The following ARK2C variants were observed in gnomAD, a reference collection of about 807,000 sequenced individuals.
ARK2C encodes arkadia (RNF111) C-terminal like ring finger ubiquitin ligase 2C, also known as E3 ubiquitin-protein ligase ARK2C.
chr18:46,414,212 C>T, the ARK2C span, among the ~76,000 whole-genome samples: 5 of 152,334 alleles, frequency 3.3e-5, no homozygotes, highest in East Asian at 1.9e-4. Context: ...CTGATTAAGA[C>T]GGGACCTGAA....
At chr18:46,405,686 T>G in the ARK2C span, among the ~76,000 whole-genome samples, 162 of 152,146 alleles carry the variant, frequency 1.1e-3, no homozygotes, top group African/African-American at 3.8e-3. Flanking sequence ...GCCCGGTAAA[T>G]GGACTTGATT....
At chr18:46,368,379 A>G in the ARK2C span, among the ~76,000 whole-genome samples, 7 of 152,076 alleles carry the variant, frequency 4.6e-5, no homozygotes, top group Non-Finnish European at 8.8e-5. Flanking sequence ...TCATCACCCT[A>G]AACCCCCAGA....
chr18:46,395,166 T>C, the ARK2C span, among the ~76,000 whole-genome samples: 4 of 152,240 alleles, frequency 2.6e-5, no homozygotes, highest in African/African-American at 9.6e-5. Context: ...GTTGAACCAG[T>C]TATTTCCAGT....
chr18:46,399,346 G>C, the ARK2C span, among the ~76,000 whole-genome samples: 1 of 152,204 alleles, frequency 6.6e-6, no homozygotes, highest in African/African-American at 2.4e-5. Flanking sequence ...ATCAAAGGAT[G>C]CTGGGGTGCT....
the ARK2C span, among the ~76,000 whole-genome samples, chr18:46,398,451 C>T: frequency 6.6e-6 from 1 of 151,994 alleles, no homozygotes; most frequent in South Asian, 2.1e-4. Context: ...TAGCCCCTTA[C>T]CCCCAAGGTG....
chr18:46,364,502 C>T, the ARK2C span, among the ~76,000 whole-genome samples: 5 of 152,100 alleles, frequency 3.3e-5, no homozygotes, highest in Admixed American at 2.0e-4. Flanking sequence ...TTCGTGATGC[C>T]GACAGACAAG....
At chr18:46,343,013 C>T in the ARK2C span, among the ~76,000 whole-genome samples, 1 of 152,204 alleles carries the variant, frequency 6.6e-6, no homozygotes, top group Non-Finnish European at 1.5e-5. Context: ...TTCACAAGCA[C>T]TGCTTTTAAT....
chr18:46,456,698 T>A, the ARK2C span: 18 of 1,208,992 alleles, frequency 1.5e-5, no homozygotes, highest in Admixed American at 6.8e-5. Flanking sequence ...GCCATAGCCC[T>A]TGCAGCCAAA....
chr18:46,348,870 A>G, the ARK2C span, among the ~76,000 whole-genome samples: 1 of 151,290 alleles, frequency 6.6e-6, no homozygotes, highest in Non-Finnish European at 1.5e-5. Flanking sequence ...TCCCAAAACT[A>G]TCTGACCACA....
the ARK2C span, among the ~76,000 whole-genome samples, chr18:46,368,723 G>A: frequency 6.6e-6 from 1 of 152,228 alleles, no homozygotes; most frequent in Admixed American, 6.5e-5. Flanking sequence ...TAGCGTAGTG[G>A]TCAGGGTTAG....
the ARK2C span, chr18:46,447,726 T>C: frequency 5.0e-6 from 8 of 1,613,888 alleles, no homozygotes; most frequent in East Asian, 2.2e-5. Flanking sequence ...CTTGCGCCTA[T>C]TGAGTGCCAG....
the ARK2C span, among the ~76,000 whole-genome samples, chr18:46,399,731 A>G: frequency 1.3e-5 from 2 of 152,162 alleles, no homozygotes; most frequent in Non-Finnish European, 2.9e-5. Flanking sequence ...GAGGCAGAGG[A>G]GGACAGTGTC....
chr18:46,334,192 C>T, the ARK2C span: 3 of 918,784 alleles, frequency 3.3e-6, no homozygotes, highest in Non-Finnish European at 3.9e-6. This position sits in a 1 kb window ranked among gnomAD's most constrained non-coding sequence, Gnocchi z 4.4. Context: ...GCAGCCCCGC[C>T]GCCGCCCGCG....
At chr18:46,400,030 G>C in the ARK2C span, among the ~76,000 whole-genome samples, 1 of 152,162 alleles carries the variant, frequency 6.6e-6, no homozygotes, top group African/African-American at 2.4e-5. Context: ...TCAGCCTCTG[G>C]GCCCCTGGGG....
chr18:46,419,206 T>C, the ARK2C span, among the ~76,000 whole-genome samples: 5 of 152,184 alleles, frequency 3.3e-5, no homozygotes. Flanking sequence ...CAGACGGCAC[T>C]GGAGCTTGAT....
the ARK2C span, among the ~76,000 whole-genome samples, chr18:46,437,381 G>GCCA: frequency 6.6e-6 from 1 of 152,138 alleles, no homozygotes; most frequent in African/African-American, 2.4e-5. Context: ...TAGGCAGCCT[G>GCCA]GTAATTGGAT....
the ARK2C span, chr18:46,336,528 C>G: frequency 3.0e-6 from 3 of 985,334 alleles, no homozygotes; most frequent in East Asian, 2.3e-4. Flanking sequence ...TCATGACCTT[C>G]CGATAGAGGA....
At chr18:46,353,982 G>A in the ARK2C span, among the ~76,000 whole-genome samples, 600 of 152,168 alleles carry the variant, frequency 3.9e-3, 6 homozygotes, top group African/African-American at 0.014. Flanking sequence ...CTCATTTTAC[G>A]GGGACTTGGC....
At chr18:46,338,337 C>A in the ARK2C span, among the ~76,000 whole-genome samples, 1 of 152,172 alleles carries the variant, frequency 6.6e-6, no homozygotes, top group Non-Finnish European at 1.5e-5. Flanking sequence ...TGACTCAGGC[C>A]ACTCCCACCC....
Sources: gnomAD v4.1 joint callset for allele counts (sites outside exome capture counted in the v4.1 genomes callset) on GRCh38, gnomAD v4.1.1 for gene constraint, Gnocchi (gnomAD v3.1) non-coding constraint, MANE v1.5 for transcripts, NCBI Gene and HGNC (gene_info 2026-07-23, HGNC 2026-07-21) for gene names.